EPHA4: variants seen among roughly 807,000 people sequenced by gnomAD.
The protein encoded by EPHA4 is EPH receptor A4.
A neutral mutation model predicts 108.3 loss-of-function variants in EPHA4; 19 were observed. The observed-to-expected ratio is 0.18, with a 90% CI of 0.12 to 0.26. The LOEUF (loss-of-function observed/expected upper bound fraction) is 0.26, where lower values mean the gene tolerates loss of function less well. Among genes scored for constraint, EPHA4 ranks in the 10% least tolerant of loss-of-function variants. The probability of loss-of-function intolerance (pLI) is 1.00; values close to 1 mark genes in which losing one functional copy is unlikely to be tolerated. For missense variants in EPHA4, 917 were observed against 1,254.0 expected (o/e 0.73, Z 4.06); for synonymous variants, 449 against 455.5 (o/e 0.99, Z 0.18).
chr2:221,572,817 C>G (rs1292701600), upstream of EPHA4: 1 of 152,898 alleles, frequency 6.5e-6, no homozygotes, highest in Non-Finnish European at 1.5e-5. Context: ...CCTCTGCCAC[C>G]TTGCCCTGTT....
intron 13 of EPHA4, 80 bp downstream of exon 13, chr2:221,436,319 C>A: frequency 7.4e-7 from 1 of 1,357,640 alleles, no homozygotes; most frequent in Non-Finnish European, 1.0e-6. Flanking sequence ...AAAAAAATTA[C>A]AAAGGGCTTC....
At position 221,425,885 on chromosome 2, in the gene EPHA4, A is replaced by G. The variant is rs77014597; in HGVS notation, c.*143T>C. 1,015 of 719,356 alleles carry G rather than the reference A, an allele frequency of 1.4e-3. 11 individuals are homozygous for G. In the African/African-American group the frequency reaches 0.016, roughly 11 times the overall value. The allele number at this position is 719,356 out of a possible 1,614,324, so 44.6% of individuals were successfully genotyped here. ...CACAGTTTCAGCAATCTGTGCACCAAGCAACGCTGCAGATATTGTTTTTTT... is the reference window on the plus strand; with the variant it reads ...CACAGTTTCAGCAATCTGTGCACCAGGCAACGCTGCAGATATTGTTTTTTT... On this transcript the variant is annotated 3_prime_UTR_variant, in exon 17 of 18. Transcript: ENST00000281821.
intron 1 of EPHA4, among the ~76,000 whole-genome samples, chr2:221,570,340 G>C (rs1426052273): frequency 1.3e-5 from 2 of 151,324 alleles, no homozygotes; most frequent in African/African-American, 4.9e-5. Flanking sequence ...AAAAGAGGGG[G>C]TTTAAAAAAA....
chr2:221,430,206 G>T, intron 14 of EPHA4, 55 bp from the exon 15 acceptor site: 1 of 1,527,808 alleles, frequency 6.5e-7, no homozygotes, highest in Non-Finnish European at 8.8e-7. Context: ...GCTGTTCAAG[G>T]TTCACCCTTC....
chr2:221,567,009 G>GAAGAAGAAGAAGAAA (rs750697580), intron 2 of EPHA4, among the ~76,000 whole-genome samples: 2 of 112,626 alleles, frequency 1.8e-5, no homozygotes, highest in Non-Finnish European at 4.0e-5. Flanking sequence ...AGAAGAAGAA[G>GAAGAAGAAGAAGAAA]AAAAAAATGT....
chr2:221,565,984 C>T (rs550607819), intron 2 of EPHA4, among the ~76,000 whole-genome samples: 1 of 152,186 alleles, frequency 6.6e-6, no homozygotes, highest in African/African-American at 2.4e-5. Flanking sequence ...TCTAACCACA[C>T]TGATCAATTC....
rs1559297332 is a variant in EPHA4 at position 221,566,944 on chromosome 2, G to GGGAAGAGGAAGAAGAAGAAGA, written c.159+1773_159+1774insTCTTCTTCTTCTTCCTCTTCC. Among the ~76,000 whole-genome samples, 2 of 7,690 alleles carry GGGAAGAGGAAGAAGAAGAAGA rather than the reference G, an allele frequency of 2.6e-4. 1 individual carries two copies. Among genetic ancestry groups the GGGAAGAGGAAGAAGAAGAAGA allele is most frequent in the Non-Finnish European group, 5.2e-4 (2 of 3,834 alleles). 5.0% of individuals were successfully genotyped at this position (7,690 alleles called of 152,430 possible). On this transcript the variant is annotated intron_variant, in intron 2 of 17. Transcript: ENST00000281821. ...GGAGAAGGAGAAGGAGAAGGAGAAG[G>GGGAAGAGGAAGAAGAAGAAGA]AGAAGGAGAAGGGGAAGAGGAAGAG...
chr2:221,483,500 T>TTGTGTGTGTGTGTGTGTG (rs58143142), intron 4 of EPHA4, among the ~76,000 whole-genome samples: 85 of 143,798 alleles, frequency 5.9e-4, no homozygotes, highest in African/African-American at 1.6e-3. Context: ...TGATGTAGAT[T>TTGTGTGTGTGTGTGTGTG]TGTGTGTGTG....
At chr2:221,463,410 A>G (rs1691209974) in intron 5 of EPHA4, among the ~76,000 whole-genome samples, 1 of 152,056 alleles carries the variant, frequency 6.6e-6, no homozygotes, top group Non-Finnish European at 1.5e-5. Flanking sequence ...TAGAATCCCC[A>G]TTTGCTATGT....
At chr2:221,457,560 A>G (rs1239020521) in intron 6 of EPHA4, among the ~76,000 whole-genome samples, 1 of 152,218 alleles carries the variant, frequency 6.6e-6, no homozygotes, top group African/African-American at 2.4e-5. Context: ...TTATATTACA[A>G]TACAATGTAT....
At chr2:221,481,164 G>A (rs568275381) in intron 5 of EPHA4, among the ~76,000 whole-genome samples, 31 of 152,254 alleles carry the variant, frequency 2.0e-4, no homozygotes, top group Admixed American at 3.9e-4. Flanking sequence ...AGTCAGAAGC[G>A]AAAGCCTAGA....
At chr2:221,490,036 C>T (rs952520829) in intron 4 of EPHA4, among the ~76,000 whole-genome samples, 1 of 151,254 alleles carries the variant, frequency 6.6e-6, no homozygotes, top group Non-Finnish European at 1.5e-5. Context: ...GTCCCAGCTA[C>T]TTGGGAAGCT....
chr2:221,419,367 G>C lies in EPHA4; in HGVS notation c.*2005C>G, dbSNP rs1250663295. On this transcript the variant is annotated 3_prime_UTR_variant, in exon 18 of 18. Coordinates refer to ENST00000281821, the MANE Select transcript of EPHA4 (RefSeq NM_004438.5). Reference sequence around the variant, plus strand: ...AACTACCTTAACCTCAAGAGTCACTGGCATGTATTTTTCTGTGATATTGGG... The same window carrying C: ...AACTACCTTAACCTCAAGAGTCACTCGCATGTATTTTTCTGTGATATTGGG... The C allele has an allele frequency of 6.6e-6, 1 of 152,588 alleles. No individual in the cohort carries two copies. The highest frequency in any genetic ancestry group is 1.5e-5 in the Non-Finnish European group (1 of 68,026). 9.5% of individuals were successfully genotyped at this position (152,588 alleles called of 1,614,324 possible).
At chr2:221,426,418 A>G in intron 16 of EPHA4, 46 bp downstream of exon 16, 1 of 1,555,394 alleles carries the variant, frequency 6.4e-7, no homozygotes, top group Non-Finnish European at 8.7e-7. Flanking sequence ...AGAAAATACT[A>G]TTAAATCTAG....
intron 13 of EPHA4, among the ~76,000 whole-genome samples, chr2:221,434,890 T>C (rs1230135327): frequency 1.6e-5 from 1 of 64,128 alleles, no homozygotes; most frequent in Non-Finnish European, 3.6e-5. Flanking sequence ...ATATTAGTTG[T>C]TATTAAATTA....
intron 4 of EPHA4, among the ~76,000 whole-genome samples, chr2:221,487,208 C>A (rs756565597): frequency 9.9e-5 from 15 of 152,062 alleles, no homozygotes; most frequent in Non-Finnish European, 1.0e-4. Context: ...TATTCTTATT[C>A]ATTTTGATAA....
intron 3 of EPHA4, among the ~76,000 whole-genome samples, chr2:221,532,053 C>G (rs1391297293): frequency 1.3e-5 from 2 of 152,082 alleles, no homozygotes. Flanking sequence ...TGAGACAAAC[C>G]AAATATGCTG....
chr2:221,489,868 C>T (rs1006483277), intron 4 of EPHA4, among the ~76,000 whole-genome samples: 4 of 152,120 alleles, frequency 2.6e-5, no homozygotes, highest in African/African-American at 9.7e-5. Context: ...TATGGCTGAG[C>T]ACAGTGGCTC....
chr2:221,566,956 G>GAGAAGGAGAAGA (rs1491340819), intron 2 of EPHA4, among the ~76,000 whole-genome samples: 1 of 6,488 alleles, frequency 1.5e-4, no homozygotes, highest in African/African-American at 5.3e-4. Flanking sequence ...GAAGGAGAAG[G>GAGAAGGAGAAGA]GGAAGAGGAA....
Sources: gnomAD v4.1 joint callset for allele counts (sites outside exome capture counted in the v4.1 genomes callset) on GRCh38, gnomAD v4.1.1 for gene constraint, MANE v1.5 for transcripts, NCBI Gene and HGNC (gene_info 2026-07-23, HGNC 2026-07-21) for gene names.